Variants in TANC2 observed in about 807,000 individuals in gnomAD.
TANC2 encodes protein TANC2.
In TANC2, 26 loss-of-function variants were observed where a neutral mutation model predicts 210.5. The ratio of observed to expected loss-of-function variants is 0.12; its 90% CI spans 0.09 to 0.17. The LOEUF is 0.17. Among genes scored for constraint, TANC2 ranks in the 10% least tolerant of loss-of-function variants. The pLI, the probability that TANC2 is intolerant of heterozygous loss-of-function variation, is 1.00. For synonymous variants in TANC2, 931 were observed against 967.1 expected (o/e 0.96, Z 0.69); for missense variants, 2,129 against 2,608.9 (o/e 0.82, Z 4.01).
chr17:63,054,394 A>G (rs968419918), intron 2 of TANC2, among the ~76,000 whole-genome samples: 1 of 152,064 alleles, frequency 6.6e-6, no homozygotes, highest in Non-Finnish European at 1.5e-5. Context: ...TTCTTTTGAG[A>G]TGGAGTCTCG....
At chr17:63,174,038 G>A (rs1230448544) in intron 5 of TANC2, among the ~76,000 whole-genome samples, 3 of 152,172 alleles carry the variant, frequency 2.0e-5, no homozygotes, top group African/African-American at 7.2e-5. Context: ...AGCCACTTGT[G>A]CCATTCTCTT....
rs750638841 is a variant in TANC2, at chr17:63,314,665, C to G, written c.1437C>G (p.Pro479=). The stretch of plus-strand genomic sequence containing the variant: ...CCTCAGACAGCCCACATGCCTCCCC[C>G]AAACGTACGTATTCCTTTTTAAAGA... Residue 479 remains proline (P), a synonymous_variant, in exon 10 of 28, where the codon CCC becomes CCG. Coordinates refer to ENST00000689528, the Ensembl canonical transcript of TANC2. 4.3e-6 allele frequency: 7 copies of G among 1,613,048 alleles called. No individual in the cohort carries two copies. The African/African-American group carries it at 6.7e-5, about 15-fold the overall frequency.
intron 27 of TANC2, 41 bp from the exon 28 acceptor site, chr17:63,419,958 C>T (rs1329815156): frequency 1.3e-6 from 2 of 1,488,370 alleles, no homozygotes; most frequent in Non-Finnish European, 1.8e-6. Context: ...TCTCTGGATT[C>T]AGAATAACTC....
At position 63,420,429 on chromosome 17, in the gene TANC2, C is replaced by G. The variant is rs764041869; in HGVS notation, c.4699C>G (p.Gln1567Glu). The change falls in exon 28 of 28, where the codon CAG becomes GAG. Residue 1567 changes from glutamine to glutamate, a missense_variant. By Grantham distance (29) the Gln-to-Glu change is conservative. Around this residue, in one of 5 missense-constraint regions of TANC2, gnomAD observed 584 missense variants for 627.3 expected, o/e 0.93. Coordinates refer to ENST00000689528, the Ensembl canonical transcript of TANC2. The surrounding 1 kb of genome is among the most constrained non-coding windows in gnomAD (Gnocchi z 4.2). ...AGGCTCTCCCACTAGACAGACCTAT[C>G]AGTCCACCTCACCTGCCCTTTCTCC... The G allele has an allele frequency of 1.2e-6, 2 of 1,614,002 alleles. No individual in the cohort carries two copies. The highest frequency in any genetic ancestry group is 2.2e-5 in the South Asian group (2 of 91,084).
intron 3 of TANC2, among the ~76,000 whole-genome samples, chr17:63,086,900 C>T (rs1202505931): frequency 6.8e-6 from 1 of 146,622 alleles, no homozygotes; most frequent in Non-Finnish European, 1.6e-5. Flanking sequence ...TAAAATGGAC[C>T]AATCAGCACT....
intron 4 of TANC2, among the ~76,000 whole-genome samples, chr17:63,124,319 A>G (rs2038619059): frequency 6.6e-6 from 1 of 152,148 alleles, no homozygotes; most frequent in Non-Finnish European, 1.5e-5. Context: ...AACAAATGAG[A>G]TGAATAAGGA....
chr17:63,092,074 GTTCA>G (rs2037218639), intron 3 of TANC2, among the ~76,000 whole-genome samples: 1 of 152,130 alleles, frequency 6.6e-6, no homozygotes, highest in Non-Finnish European at 1.5e-5. Flanking sequence ...CACATCAGAA[GTTCA>G]TTCTTTTTAT....
exon 13 of TANC2, chr17:63,351,329 G>C: frequency 6.2e-7 from 1 of 1,610,528 alleles, no homozygotes. Flanking sequence ...CGGATTATGG[G>C]GATACAATTG....
chr17:63,090,772 G>A (rs1203375576), intron 3 of TANC2, among the ~76,000 whole-genome samples: 1 of 152,178 alleles, frequency 6.6e-6, no homozygotes, highest in African/African-American at 2.4e-5. Context: ...AGATCCTTGA[G>A]GAATCACCAC....
chr17:63,098,357 A>G (rs2037466379), intron 3 of TANC2, among the ~76,000 whole-genome samples: 1 of 151,066 alleles, frequency 6.6e-6, no homozygotes, highest in East Asian at 2.0e-4. Context: ...CTCCTAGAGT[A>G]TAGTTCTTTG....
intron 4 of TANC2, among the ~76,000 whole-genome samples, chr17:63,131,439 A>G (rs2038914762): frequency 6.6e-6 from 1 of 152,138 alleles, no homozygotes; most frequent in Non-Finnish European, 1.5e-5. Context: ...TTTCTGAACA[A>G]TCCCATTCCA....
intron 14 of TANC2, among the ~76,000 whole-genome samples, chr17:63,376,898 A>C (rs1431250127): frequency 6.6e-6 from 1 of 150,844 alleles, no homozygotes; most frequent in African/African-American, 2.4e-5. Flanking sequence ...GCTCACTGCA[A>C]GCTCCGCCTC....
intron 8 of TANC2, among the ~76,000 whole-genome samples, chr17:63,242,605 ATAT>A (rs1424307945): frequency 6.6e-6 from 1 of 152,122 alleles, no homozygotes; most frequent in African/African-American, 2.4e-5. Context: ...TTTAATTATA[ATAT>A]ATGTAAGAGA....
At chr17:63,239,014 C>T (rs769248365) in intron 8 of TANC2, among the ~76,000 whole-genome samples, 1 of 152,020 alleles carries the variant, frequency 6.6e-6, no homozygotes, top group Non-Finnish European at 1.5e-5. Flanking sequence ...GGACACAGAG[C>T]CAAACCATAT....
intron 21 of TANC2, among the ~76,000 whole-genome samples, chr17:63,410,337 T>TCCC (rs377066407): frequency 8.5e-6 from 1 of 118,324 alleles, no homozygotes; most frequent in African/African-American, 3.2e-5. Flanking sequence ...ATCTCTCCAA[T>TCCC]CCCCCCCCCC....
At chr17:62,967,793 A>G (rs1598157975) in intron 1 of TANC2, 1 of 152,174 alleles carries the variant, frequency 6.6e-6, no homozygotes, top group East Asian at 1.9e-4. Flanking sequence ...CGGCAGTACT[A>G]AAATATTCTT....
chr17:63,223,468 A>G (rs1179315968), intron 7 of TANC2, among the ~76,000 whole-genome samples: 3 of 152,202 alleles, frequency 2.0e-5, no homozygotes, highest in Non-Finnish European at 4.4e-5. Context: ...CCGGAGGAGC[A>G]CAGCAGCAGT....
At chr17:63,189,850 A>G (rs2041124296) in intron 5 of TANC2, among the ~76,000 whole-genome samples, 1 of 152,208 alleles carries the variant, frequency 6.6e-6, no homozygotes, top group South Asian at 2.1e-4. Flanking sequence ...CACAAAGTTT[A>G]CTACCATGTT....
chr17:63,008,958 A>G (rs2033745875), intron 1 of TANC2, among the ~76,000 whole-genome samples: 1 of 152,094 alleles, frequency 6.6e-6, no homozygotes, highest in Non-Finnish European at 1.5e-5. Context: ...TATGTTTTCT[A>G]TTGCTCTGCA....
Sources: gnomAD v4.1 joint callset for allele counts (sites outside exome capture counted in the v4.1 genomes callset) on GRCh38, gnomAD v4.1.1 for gene constraint, gnomAD v4.1.1 regional missense constraint, Gnocchi (gnomAD v3.1) non-coding constraint, MANE v1.5 for transcripts, NCBI Gene and HGNC (gene_info 2026-07-23, HGNC 2026-07-21) for gene names.